The following LEPROTL1 variants were observed in gnomAD, a reference collection of about 807,000 sequenced individuals.
LEPROTL1 encodes the protein leptin receptor overlapping transcript-like 1.
LEPROTL1 carries 6 observed loss-of-function variants against 15.4 expected under a neutral mutation model. That is an observed-to-expected ratio of 0.39 (90% CI 0.21 to 0.77). The LOEUF is 0.77. Ranked by LOEUF, LEPROTL1 falls within the 30% of genes least tolerant of loss-of-function variation. The pLI is 0.41. For missense variants in LEPROTL1, 128 were observed against 158.1 expected (o/e 0.81, Z 1.02); for synonymous variants, 56 against 52.6 (o/e 1.06, Z -0.28).
chr8:30,121,345 TG>T (rs1338369620), intron 3 of LEPROTL1, among the ~76,000 whole-genome samples: 1 of 151,936 alleles, frequency 6.6e-6, no homozygotes, highest in Non-Finnish European at 1.5e-5. Context: ...CTTGGCCTCC[TG>T]GGTTCAAGTG....
chr8:30,097,498 C>G (rs1255040583), intron 1 of LEPROTL1, among the ~76,000 whole-genome samples: 2 of 151,504 alleles, frequency 1.3e-5, no homozygotes, highest in Non-Finnish European at 2.9e-5. Context: ...TGGTGAAACC[C>G]CATCTCTACT....
chr8:30,122,064 G>A (rs1773885680), intron 3 of LEPROTL1, among the ~76,000 whole-genome samples: 1 of 151,908 alleles, frequency 6.6e-6, no homozygotes, highest in African/African-American at 2.4e-5. Flanking sequence ...CTACTCAAGA[G>A]GCTGAGGCAG....
At chr8:30,096,324 T>A in intron 1 of LEPROTL1, 1 of 984,562 alleles carries the variant, frequency 1.0e-6, no homozygotes, top group Non-Finnish European at 1.2e-6. Flanking sequence ...AGTTTTGTTG[T>A]CAGTGTGATG....
At chr8:30,099,073 C>G (rs1315610157) in intron 1 of LEPROTL1, among the ~76,000 whole-genome samples, 2 of 152,188 alleles carry the variant, frequency 1.3e-5, no homozygotes, top group African/African-American at 4.8e-5. Flanking sequence ...CACTCCCATC[C>G]CTTACTCTAC....
chr8:30,123,649 G>A (rs1802864206), intron 3 of LEPROTL1, among the ~76,000 whole-genome samples: 1 of 152,114 alleles, frequency 6.6e-6, no homozygotes, highest in African/African-American at 2.4e-5. Flanking sequence ...CAAACCTCAA[G>A]TATGAAGTAT....
rs143899166 is a variant in LEPROTL1 at position 30,095,430 on chromosome 8, C to A, written c.-83C>A. 8.7e-6 allele frequency: 12 copies of A among 1,387,224 alleles called. No individual in the cohort carries two copies. Among genetic ancestry groups the A allele is most frequent in the East Asian group, 3.1e-5 (1 of 32,152 alleles). The allele number at this position is 1,387,224 out of a possible 1,614,324, so 85.9% of individuals were successfully genotyped here. On this transcript the variant is annotated 5_prime_UTR_variant, in exon 1 of 4. Coordinates refer to ENST00000321250, the MANE Select transcript of LEPROTL1 (RefSeq NM_015344.3). The stretch of plus-strand genomic sequence containing the variant: ...CGCGCACTTCCGGGTGTTGTCTGGC[C>A]GCCGTAGCGCGTCTTGGGTCTCCCG...
In LEPROTL1 at chr8:30,131,306, G is replaced by GTGTA. The variant is rs71206233; in HGVS notation, c.280-1068_280-1067insGTAT. Among the ~76,000 whole-genome samples, 698 of 141,364 alleles carry GTGTA rather than the reference G, an allele frequency of 4.9e-3. 4 individuals are homozygous for GTGTA. Among genetic ancestry groups the GTGTA allele is most frequent in the African/African-American group, 0.013 (500 of 38,814 alleles). 92.7% of individuals were successfully genotyped at this position (141,364 alleles called of 152,430 possible). ...TATATATATATATATATGTGTGTGT[G>GTGTA]TATATATATATATATACACATATAT... On this transcript the variant is annotated intron_variant, in intron 3 of 4. Coordinates refer to the LEPROTL1 transcript ENST00000442880.
At chr8:30,133,228 T>C (rs545991366) in intron 4 of LEPROTL1, among the ~76,000 whole-genome samples, 5 of 152,294 alleles carry the variant, frequency 3.3e-5, no homozygotes, top group African/African-American at 1.2e-4. Context: ...TATTTATAGA[T>C]CTTAAGTATA....
intron 3 of LEPROTL1, among the ~76,000 whole-genome samples, chr8:30,116,782 AG>A (rs925335331): frequency 2.6e-5 from 4 of 152,174 alleles, no homozygotes; most frequent in Admixed American, 1.3e-4. Flanking sequence ...AAACCCAAGA[AG>A]GGGGTTGGAA....
chr8:30,095,755 C>G (rs537722280), intron 1 of LEPROTL1: 2 of 697,302 alleles, frequency 2.9e-6, no homozygotes, highest in African/African-American at 1.8e-5. Flanking sequence ...CCCCCACTTT[C>G]TGCCGATTTC....
At chr8:30,101,654 G>A (rs1449781153) in intron 1 of LEPROTL1, among the ~76,000 whole-genome samples, 7 of 110,372 alleles carry the variant, frequency 6.3e-5, no homozygotes, top group African/African-American at 2.1e-4. Context: ...GGCAACAAGA[G>A]TGAAACTCCA....
chr8:30,111,622 G>A (rs1802653482), downstream of LEPROTL1, among the ~76,000 whole-genome samples: 2 of 152,194 alleles, frequency 1.3e-5, no homozygotes, highest in South Asian at 4.1e-4. Context: ...AAATCTTGGA[G>A]CACAGTCCCT....
At chr8:30,126,809 G>A (rs994593494) in intron 3 of LEPROTL1, among the ~76,000 whole-genome samples, 4 of 152,226 alleles carry the variant, frequency 2.6e-5, no homozygotes, top group Non-Finnish European at 4.4e-5. Context: ...AGGCTGAGGC[G>A]GGAGGATCAC....
chr8:30,116,148 G>T (rs1438635579), intron 3 of LEPROTL1, among the ~76,000 whole-genome samples: 1 of 152,064 alleles, frequency 6.6e-6, no homozygotes, highest in African/African-American at 2.4e-5. Flanking sequence ...AGCTGAGGTG[G>T]CAGAATCACC....
At chr8:30,134,931 G>A (rs1803106760) in intron 4 of LEPROTL1, among the ~76,000 whole-genome samples, 1 of 152,100 alleles carries the variant, frequency 6.6e-6, no homozygotes, top group African/African-American at 2.4e-5. Flanking sequence ...CCAGGCTGGA[G>A]TGCAGTGGCA....
chr8:30,117,552 A>G, intron 3 of LEPROTL1: 1 of 1,298,706 alleles, frequency 7.7e-7, no homozygotes, highest in South Asian at 1.2e-5. Context: ...TCTGGGGCTG[A>G]TCACTCCACA....
chr8:30,099,568 C>A (rs992095425), intron 1 of LEPROTL1, among the ~76,000 whole-genome samples: 1 of 140,218 alleles, frequency 7.1e-6, no homozygotes. Context: ...CGCCACTGCA[C>A]TCCATCCTGG....
chr8:30,119,788 G>T (rs1802800352), intron 3 of LEPROTL1, among the ~76,000 whole-genome samples: 1 of 152,152 alleles, frequency 6.6e-6, no homozygotes, highest in South Asian at 2.1e-4. Context: ...ATGCTTTTAA[G>T]TTGGGCCTGG....
intron 1 of LEPROTL1, among the ~76,000 whole-genome samples, chr8:30,097,729 A>ACAC (rs1563212167): frequency 2.0e-5 from 3 of 149,812 alleles, no homozygotes; most frequent in African/African-American, 7.5e-5. Context: ...ACACACACAT[A>ACAC]TTTAGTATTT....
Sources: allele counts gnomAD v4.1 joint callset (sites outside exome capture counted in the v4.1 genomes callset), GRCh38; gene constraint gnomAD v4.1.1; transcripts MANE v1.5; gene names NCBI Gene and HGNC (gene_info 2026-07-23, HGNC 2026-07-21).